Variants in C2orf15 observed in about 807,000 individuals in gnomAD.
C2orf15 encodes chromosome 2 open reading frame 15.
A neutral mutation model predicts 4.4 loss-of-function variants in C2orf15; 3 were observed. The ratio of observed to expected loss-of-function variants is 0.67; its 90% confidence interval spans 0.31 to 1.74. C2orf15 has a LOEUF of 1.74. C2orf15 is among the 40% of genes most tolerant of loss of function. The pLI, the probability that C2orf15 is intolerant of heterozygous loss-of-function variation, is 0.09. For synonymous variants in C2orf15, 37 were observed against 36.8 expected, an observed-to-expected ratio of 1.00 and a Z score of -0.02; for missense variants, 90 against 103.3, an observed-to-expected ratio of 0.87 and a Z score of 0.56.
chr2:99,149,802 T>C (rs1475332179), intron 3 of C2orf15, among the ~76,000 whole-genome samples: 2 of 144,962 alleles, frequency 1.4e-5, no homozygotes, highest in Non-Finnish European at 3.0e-5. Context: ...TTTTTTTTTT[T>C]TTTTTTTAAG....
Position 99,150,756 on chromosome 2 carries a change from A to T in C2orf15, c.198A>T (p.Gly66=), listed in dbSNP as rs1382981116. 2 of 1,613,890 alleles carry T rather than the reference A, an allele frequency of 1.2e-6. No individual in the cohort carries two copies. The highest frequency in any genetic ancestry group is 1.7e-6 in the Non-Finnish European group (2 of 1,179,918). ...CAAGGATTGAAGGGACTGGCACAGG[A>T]TCTCTTTCTGGGAAAGCCTTGGGTT... ...NFTRIEGTGT[G]SLSGKALGSV... is the part of the protein sequence containing the mutation. The change falls in exon 4 of 4, where the codon GGA becomes GGT. Residue 66 remains glycine, a synonymous_variant. Transcript: ENST00000650052.
At chr2:99,143,308 T>A (rs201459377) in intron 2 of C2orf15, among the ~76,000 whole-genome samples, 2 of 151,002 alleles carry the variant, frequency 1.3e-5, no homozygotes, top group East Asian at 3.9e-4. Flanking sequence ...CGCCCAGCTT[T>A]TTTTTTGTTT....
At chr2:99,145,931 A>G (rs1290489323) in intron 2 of C2orf15, among the ~76,000 whole-genome samples, 1 of 152,182 alleles carries the variant, frequency 6.6e-6, no homozygotes, top group African/African-American at 2.4e-5. Flanking sequence ...CAGGCATTCG[A>G]GACCAGCCTG....
At chr2:99,150,437 G>A in intron 3 of C2orf15, 46 bp from the exon 4 acceptor site, 1 of 1,105,602 alleles carries the variant, frequency 9.0e-7, no homozygotes, top group South Asian at 1.6e-5. Context: ...ATGAAGTTAG[G>A]GAAATTCCTG....
intron 3 of C2orf15, 116 bp downstream of exon 3, chr2:99,147,609 G>A: frequency 1.1e-6 from 1 of 892,114 alleles, no homozygotes; most frequent in Non-Finnish European, 1.7e-6. Flanking sequence ...TTTTACGTTT[G>A]TTGATTTCAA....
At position 99,147,170 on chromosome 2, in the gene C2orf15, A is replaced by T. The variant is rs1367698716; in HGVS notation, c.-168-232A>T. The stretch of plus-strand genomic sequence containing the variant: ...TGTGGCATATCTTTTTGTTTTTTTT[A>T]ATTTTTTTCTGATAGGGATGAGGTC... On this transcript the variant is annotated intron_variant, in intron 2 of 3. Transcript: ENST00000650052. The T allele has an allele frequency of 3.2e-6, 1 of 315,632 alleles. No homozygotes were observed. Among genetic ancestry groups the T allele is most frequent in the Non-Finnish European group, 5.7e-6 (1 of 175,428 alleles). The allele number at this position is 315,632 out of a possible 1,614,324, so 19.6% of individuals were successfully genotyped here. A position where few individuals can be genotyped will look rare whatever the true frequency, so the allele number is the denominator to read the frequency against.
At chr2:99,144,649 C>CAAAAAAAAAA (rs70940140) in intron 2 of C2orf15, among the ~76,000 whole-genome samples, 2,070 of 51,994 alleles carry the variant, frequency 0.04, 256 homozygotes, top group East Asian at 0.059. Flanking sequence ...AACTCTGTCT[C>CAAAAAAAAAA]AAAAAAAAAA....
At chr2:99,150,047 C>T (rs1470553692) in intron 3 of C2orf15, among the ~76,000 whole-genome samples, 1 of 152,172 alleles carries the variant, frequency 6.6e-6, no homozygotes, top group East Asian at 1.9e-4. Context: ...CCCGCCTCGG[C>T]CCCCAAAGTG....
Position 99,150,522 on chromosome 2 carries a change from AC to A in C2orf15, c.-35del. ...AAACACTTCCACTACTTAAAAAGGT[AC>A]CTGCAAATTACTTTCACATTTGTTC... On this transcript the variant is annotated 5_prime_UTR_variant, in exon 4 of 4. Coordinates refer to ENST00000650052, the MANE Select transcript of C2orf15 (RefSeq NM_144706.4). 3 of 1,595,568 alleles carry A rather than the reference AC, an allele frequency of 1.9e-6. No homozygotes were observed. In the South Asian group the frequency reaches 3.5e-5, roughly 18 times the overall value.
At chr2:99,144,441 G>A (rs1181128981) in intron 2 of C2orf15, among the ~76,000 whole-genome samples, 2 of 152,004 alleles carry the variant, frequency 1.3e-5, no homozygotes, top group Non-Finnish European at 2.9e-5. Context: ...CTCCCGAACT[G>A]CCTGTTGTCC....
At position 99,147,506 on chromosome 2, in the gene C2orf15, G is replaced by A; in HGVS notation, c.-77+13G>A. ...TGGGGAAGTTAAGGTAAGACTCACA[G>A]GGCCAAGTCTACCCTATTATACTTG... On this transcript the variant is annotated intron_variant, in intron 3 of 3. Coordinates refer to ENST00000650052, the MANE Select transcript of C2orf15 (RefSeq NM_144706.4). 2 of 1,613,312 alleles carry A rather than the reference G, an allele frequency of 1.2e-6. No homozygotes were observed. Among genetic ancestry groups the A allele is most frequent in the Middle Eastern group, 3.3e-4 (2 of 6,050 alleles).
rs1309114592 is a variant in C2orf15, at chr2:99,151,624, G to A, written c.*790G>A. Reference sequence around the variant, plus strand: ...CATTTTTGTTCTGTAAAAGATCACTGCCAATAAACTGCAAAAGACCAATAA... The same window carrying A: ...CATTTTTGTTCTGTAAAAGATCACTACCAATAAACTGCAAAAGACCAATAA... On this transcript the variant is annotated 3_prime_UTR_variant, in exon 4 of 4. Coordinates refer to ENST00000650052, the MANE Select transcript of C2orf15 (RefSeq NM_144706.4). 6.6e-6 allele frequency: 1 copy of A among 152,068 alleles called. No homozygotes were observed. The highest frequency in any genetic ancestry group is 2.4e-5 in the African/African-American group (1 of 41,392). The allele number at this position is 152,068 out of a possible 1,614,324, so 9.4% of individuals were successfully genotyped here.
chr2:99,148,992 TAAATAAAAATAA>T (rs1041351438), intron 3 of C2orf15, among the ~76,000 whole-genome samples: 3 of 151,316 alleles, frequency 2.0e-5, no homozygotes. Context: ...GGAAAAAAAA[TAAATAAAAATAA>T]AAATAAAAAT....
rs183711975 is a variant in C2orf15, at chr2:99,142,296, A to G, written c.-274A>G. Reference sequence around the variant, plus strand: ...TCCTTTTCCTGCAGATGACATAGACACTAGGTTTTTACAGCAATTCTCTGA... The same window carrying G: ...TCCTTTTCCTGCAGATGACATAGACGCTAGGTTTTTACAGCAATTCTCTGA... On this transcript the variant is annotated 5_prime_UTR_variant, in exon 2 of 4. Coordinates refer to ENST00000650052, the MANE Select transcript of C2orf15 (RefSeq NM_144706.4). The G allele has an allele frequency of 2.6e-5, 4 of 152,336 alleles. 1 individual carries two copies. The highest frequency in any genetic ancestry group is 2.6e-4 in the Admixed American group (4 of 15,306). 9.4% of individuals were successfully genotyped at this position (152,336 alleles called of 1,614,324 possible).
chr2:99,144,072 G>A (rs1474328049), intron 2 of C2orf15, among the ~76,000 whole-genome samples: 1 of 151,982 alleles, frequency 6.6e-6, no homozygotes, highest in East Asian at 1.9e-4. Flanking sequence ...CCAGGCTGGA[G>A]TGCAGTGGCG....
chr2:99,148,354 A>C (rs2093653250), intron 3 of C2orf15: 1 of 152,222 alleles, frequency 6.6e-6, no homozygotes, highest in African/African-American at 2.4e-5. Context: ...CAAATCTAAA[A>C]ATCAAATATA....
chr2:99,146,810 G>A (rs1463908180), intron 2 of C2orf15, among the ~76,000 whole-genome samples: 1 of 152,122 alleles, frequency 6.6e-6, no homozygotes, highest in African/African-American at 2.4e-5. Flanking sequence ...TGTATTTTTA[G>A]TAGAGACAGA....
chr2:99,146,023 C>T (rs768820865), intron 2 of C2orf15, among the ~76,000 whole-genome samples: 18 of 152,194 alleles, frequency 1.2e-4, no homozygotes, highest in Admixed American at 3.9e-4. Flanking sequence ...GTGGCTCATG[C>T]TGTAATCCAA....
At chr2:99,148,129 T>C (rs6542866) in intron 3 of C2orf15, 79,168 of 152,072 alleles carry the variant, frequency 0.52, 22,141 homozygotes, top group Middle Eastern at 0.7. Context: ...TTCATAACAT[T>C]GACATTTTTA....
Sources: gnomAD v4.1 joint callset for allele counts (sites outside exome capture counted in the v4.1 genomes callset) on GRCh38, gnomAD v4.1.1 for gene constraint, MANE v1.5 for transcripts, NCBI Gene and HGNC (gene_info 2026-07-23, HGNC 2026-07-21) for gene names.